Variants in TRANK1 observed in about 807,000 individuals in gnomAD.
The protein encoded by TRANK1 is TPR and ankyrin repeat-containing protein 1.
In TRANK1, 198 loss-of-function variants were observed where a neutral mutation model predicts 266.0. That is an observed-to-expected ratio of 0.74 (90% CI 0.66 to 0.84). TRANK1 has a LOEUF of 0.84. Among genes scored for constraint, TRANK1 ranks in the 40% least tolerant of loss-of-function variants. The probability of loss-of-function intolerance (pLI) is 0.00; values close to 1 mark genes in which losing one functional copy is unlikely to be tolerated. For missense variants in TRANK1, 3,326 were observed against 3,634.6 expected, an observed-to-expected ratio of 0.92 and a Z score of 2.18; for synonymous variants, 1,396 against 1,384.1, an observed-to-expected ratio of 1.01 and a Z score of -0.19.
In TRANK1 at chr3:36,911,070, GA is replaced by G. The variant is rs777387211; in HGVS notation, c.24-2617del. Among the ~76,000 whole-genome samples, 119 of 144,730 alleles carry G rather than the reference GA, an allele frequency of 8.2e-4. 1 individual carries two copies. The East Asian group carries it at 0.015, about 19-fold the overall frequency. 94.9% of individuals were successfully genotyped at this position (144,730 alleles called of 152,430 possible). ...GGGTGACAAGCGCTAACTCCATCTGGAAAAAAAAAAATCGTGTTGTAAAAGA... is the reference window on the plus strand; with the variant it reads ...GGGTGACAAGCGCTAACTCCATCTGGAAAAAAAAAATCGTGTTGTAAAAGA... On this transcript the variant is annotated intron_variant, in intron 1 of 23. Transcript: ENST00000645898.
intron 8 of TRANK1, among the ~76,000 whole-genome samples, chr3:36,879,658 A>T (rs1305971269): frequency 2.6e-5 from 3 of 117,060 alleles, no homozygotes; most frequent in Non-Finnish European, 4.9e-5. Context: ...ATATATAAAT[A>T]TATAAATATA....
chr3:36,908,430 C>T lies in TRANK1; in HGVS notation c.48G>A (p.Glu16=), dbSNP rs763837032. 1.6e-6 allele frequency: 2 copies of T among 1,232,240 alleles called. No homozygotes were observed. The highest frequency in any genetic ancestry group is 2.0e-6 in the Non-Finnish European group (2 of 988,004). 76.3% of individuals were successfully genotyped at this position (1,232,240 alleles called of 1,614,324 possible). The change falls in exon 2 of 24, where the codon GAG becomes GAA. Residue 16 remains glutamate (E), a synonymous_variant. Transcript: ENST00000645898. ...CCTGGTTGCCGGATTCTTTCAGCAGCTCAGCGTAAGCTGTCAGGTCCATCC... is the reference window on the plus strand; with the variant it reads ...CCTGGTTGCCGGATTCTTTCAGCAGTTCAGCGTAAGCTGTCAGGTCCATCC... ...AARMDLTAYA[E]LLKESGNQVL...
At position 36,833,336 on chromosome 3, in the gene TRANK1, G is replaced by A. The variant is rs770297024; in HGVS notation, c.6247C>T (p.Leu2083=). Reference sequence around the variant, plus strand: ...AGGATTTCCAAGCCCCCTGGAGCCAGGCCCAGAATCTTCTCAGGCTCGGCC... The same window carrying A: ...AGGATTTCCAAGCCCCCTGGAGCCAAGCCCAGAATCTTCTCAGGCTCGGCC... ...CEAEPEKILG[L]APGGLEILLS... is the part of the protein sequence containing the mutation. The change falls in exon 22 of 24, where the codon CTG becomes TTG. Residue 2083 remains leucine, a synonymous_variant. Coordinates refer to ENST00000645898, the MANE Select transcript of TRANK1 (RefSeq NM_001329998.2). The A allele has an allele frequency of 1.9e-6, 3 of 1,613,836 alleles. No individual in the cohort carries two copies. In the African/African-American group the frequency reaches 4.0e-5, roughly 22 times the overall value.
intron 8 of TRANK1, among the ~76,000 whole-genome samples, chr3:36,881,723 A>G (rs1480732177): frequency 6.6e-6 from 1 of 152,198 alleles, no homozygotes; most frequent in East Asian, 1.9e-4. Context: ...TCACCCCTAA[A>G]ATAAATCTCA....
chr3:36,918,526 AGAAAGAAGGAAG>A (rs2080163407), intron 1 of TRANK1, among the ~76,000 whole-genome samples: 2 of 23,472 alleles, frequency 8.5e-5, no homozygotes, highest in African/African-American at 1.8e-4. Context: ...AAAGAAAGAA[AGAAAGAAGGAAG>A]GAAGGAAGGA....
At chr3:36,876,492 T>A (rs2079389699) in intron 8 of TRANK1, among the ~76,000 whole-genome samples, 1 of 152,220 alleles carries the variant, frequency 6.6e-6, no homozygotes, top group Non-Finnish European at 1.5e-5. Flanking sequence ...GGAGGAGGTA[T>A]CCTCTTTGAC....
At chr3:36,922,965 GTCTT>G (rs987377703) in intron 1 of TRANK1, among the ~76,000 whole-genome samples, 1 of 152,126 alleles carries the variant, frequency 6.6e-6, no homozygotes, top group Non-Finnish European at 1.5e-5. Context: ...CTATAAGTCT[GTCTT>G]TCTTCATGGT....
intron 5 of TRANK1, 142 bp downstream of exon 5, chr3:36,895,498 C>T: frequency 3.7e-6 from 2 of 533,966 alleles, no homozygotes; most frequent in Non-Finnish European, 6.4e-6. Flanking sequence ...AAAGACTTTT[C>T]ATCTTTAATG....
chr3:36,921,814 A>G (rs1284530470), intron 1 of TRANK1, among the ~76,000 whole-genome samples: 1 of 152,124 alleles, frequency 6.6e-6, no homozygotes, highest in Non-Finnish European at 1.5e-5. Flanking sequence ...ACATATCCTT[A>G]TTGTTTAAGT....
intron 11 of TRANK1, 31 bp downstream of exon 11, chr3:36,860,875 T>C: frequency 6.5e-7 from 1 of 1,534,614 alleles, no homozygotes; most frequent in Non-Finnish European, 8.7e-7. Flanking sequence ...TGTGGACAAG[T>C]CTCCAACGCT....
intron 4 of TRANK1, among the ~76,000 whole-genome samples, chr3:36,896,394 G>C (rs1221287309): frequency 6.6e-6 from 1 of 152,104 alleles, no homozygotes; most frequent in Non-Finnish European, 1.5e-5. Flanking sequence ...CCTCTTCCAA[G>C]GTTATTAATT....
At chr3:36,919,772 G>A (rs948862134) in intron 1 of TRANK1, among the ~76,000 whole-genome samples, 23 of 152,118 alleles carry the variant, frequency 1.5e-4, no homozygotes, top group African/African-American at 4.8e-4. Flanking sequence ...TCAATTCTGC[G>A]CACTATCAGT....
At chr3:36,901,854 A>G (rs1270048553) in intron 3 of TRANK1, among the ~76,000 whole-genome samples, 2 of 152,220 alleles carry the variant, frequency 1.3e-5, no homozygotes, top group East Asian at 3.8e-4. Flanking sequence ...AAGAGCATCA[A>G]GTCCCTTGGG....
intron 20 of TRANK1, among the ~76,000 whole-genome samples, chr3:36,835,236 G>A (rs894546299): frequency 1.9e-4 from 28 of 145,958 alleles, no homozygotes; most frequent in African/African-American, 7.1e-4. Context: ...GGAGAATGGC[G>A]TGAACCCGGG....
At position 36,867,453 on chromosome 3, in the gene TRANK1, G is replaced by A. The variant is rs576215018; in HGVS notation, c.1079-2973C>T. On this transcript the variant is annotated intron_variant, in intron 9 of 23. Transcript: ENST00000645898. ...GTTAAGAAGGCAGTTATAGATGAGC[G>A]AAAGATTCAAACATCAGGAAAGAAA... Among the ~76,000 whole-genome samples the A allele has an allele frequency of 1.4e-4, 22 of 152,316 alleles. No homozygotes were observed. The South Asian group carries it at 3.3e-3, about 23-fold the overall frequency.
rs189011893 is a variant in TRANK1, at chr3:36,838,277, C to G, written c.5517+95G>C. 3.8e-5 allele frequency: 58 copies of G among 1,520,088 alleles called. No individual in the cohort carries two copies. In the East Asian group the frequency reaches 1.3e-3, roughly 34 times the overall value. The allele number at this position is 1,520,088 out of a possible 1,614,324, so 94.2% of individuals were successfully genotyped here. ...TGTCTCCCTCCTTGGAAGACTGCAG[C>G]CTCTTCCTGCTATGAGTAGAGGTCG... On this transcript the variant is annotated intron_variant, in intron 20 of 23. Transcript: ENST00000645898.
intron 6 of TRANK1, 95 bp from the exon 7 acceptor site, chr3:36,892,435 C>T: frequency 2.1e-6 from 3 of 1,423,110 alleles, no homozygotes; most frequent in Non-Finnish European, 2.8e-6. Flanking sequence ...ATCAGTAAAA[C>T]TTGGATTAGC....
chr3:36,865,803 C>A (rs1023894013), intron 9 of TRANK1, among the ~76,000 whole-genome samples: 1 of 151,982 alleles, frequency 6.6e-6, no homozygotes, highest in Non-Finnish European at 1.5e-5. Context: ...ATGGCACATG[C>A]CTGTGGTCCC....
intron 8 of TRANK1, among the ~76,000 whole-genome samples, chr3:36,883,459 A>T (rs2079559258): frequency 6.9e-6 from 1 of 145,356 alleles, no homozygotes; most frequent in African/African-American, 2.6e-5. Flanking sequence ...AAAAAAAAAA[A>T]CGCAGAGAAA....
Sources: gnomAD v4.1 joint callset for allele counts (sites outside exome capture counted in the v4.1 genomes callset) on GRCh38, gnomAD v4.1.1 for gene constraint, MANE v1.5 for transcripts, NCBI Gene and HGNC (gene_info 2026-07-23, HGNC 2026-07-21) for gene names.